Variants in H2AZ2 observed in about 807,000 individuals in gnomAD.
H2AZ2 encodes H2A.Z variant histone 2, also known as histone H2A.V.
A neutral mutation model predicts 15.5 loss-of-function variants in H2AZ2; 5 were observed. That is an observed-to-expected ratio of 0.32 (90% CI 0.17 to 0.68). H2AZ2 has a LOEUF of 0.68. H2AZ2 is among the 30% of genes least tolerant of loss of function. The probability of loss-of-function intolerance (pLI) is 0.72; values close to 1 mark genes in which losing one functional copy is unlikely to be tolerated. For missense variants in H2AZ2, 42 were observed against 162.5 expected (o/e 0.26, Z 4.03); for synonymous variants, 44 against 57.4 (o/e 0.77, Z 1.05).
At chr7:44,840,869 GC>G (rs747852308) in intron 3 of H2AZ2, 29 bp downstream of exon 3, 1 of 1,455,798 alleles carries the variant, frequency 6.9e-7, no homozygotes, top group African/African-American at 1.4e-5. Context: ...CTTCTGGATG[GC>G]CATATACAAC....
downstream of H2AZ2, chr7:44,829,690 A>G (rs1339684436): frequency 1.3e-5 from 2 of 153,500 alleles, no homozygotes; most frequent in African/African-American, 2.4e-5. Context: ...ATGATCTTCA[A>G]CTGTTAAAAC....
chr7:44,838,794 A>G (rs1793195390), intron 3 of H2AZ2, among the ~76,000 whole-genome samples: 1 of 152,250 alleles, frequency 6.6e-6, no homozygotes, highest in South Asian at 2.1e-4. Flanking sequence ...AATGAAATAA[A>G]TGACAGCAAT....
At chr7:44,836,344 G>T (rs1793122305) in intron 3 of H2AZ2, among the ~76,000 whole-genome samples, 1 of 151,974 alleles carries the variant, frequency 6.6e-6, no homozygotes, top group South Asian at 2.1e-4. Flanking sequence ...AATGCTTTTA[G>T]AAGTTTTCAA....
At chr7:44,836,327 A>G (rs1212675818) in intron 3 of H2AZ2, among the ~76,000 whole-genome samples, 1 of 152,036 alleles carries the variant, frequency 6.6e-6, no homozygotes, top group African/African-American at 2.4e-5. Flanking sequence ...GCTGAAATGT[A>G]TTTCTTAATG....
chr7:44,828,299 C>G (rs1280036650), downstream of H2AZ2: 2 of 152,146 alleles, frequency 1.3e-5, no homozygotes, highest in Non-Finnish European at 2.9e-5. Context: ...CTGGGAGTCC[C>G]AGTTTTTATG....
rs1428597280 is a variant in H2AZ2 at position 44,832,937 on chromosome 7, A to C, written c.*1564T>G. Among the ~76,000 whole-genome samples, 1 of 152,206 alleles carries C rather than the reference A, an allele frequency of 6.6e-6. No homozygotes were observed. Among genetic ancestry groups the C allele is most frequent in the Non-Finnish European group, 1.5e-5 (1 of 68,032 alleles). On this transcript the variant is annotated 3_prime_UTR_variant, in exon 5 of 5. Coordinates refer to ENST00000308153, the MANE Select transcript of H2AZ2 (RefSeq NM_012412.5). ...TGCACTTCAACCTGGGCAAAAGAGC[A>C]AGAGCCTGTCTCAAAACAAACAAAA...
Position 44,834,569 on chromosome 7 carries a change from T to C in H2AZ2, c.326-7A>G. The C allele has an allele frequency of 6.3e-7, 1 of 1,591,746 alleles. No homozygotes were observed. Among genetic ancestry groups the C allele is most frequent in the Non-Finnish European group, 8.6e-7 (1 of 1,165,146 alleles). On this transcript the variant is annotated splice_polypyrimidine_tract_variant and splice_region_variant and intron_variant, in intron 4 of 4. Transcript: ENST00000308153. The stretch of plus-strand genomic sequence containing the variant: ...TGGATGTGAGGGATCACACCTAGAA[T>C]GAAATTTAAAAAAGTTATTAAAAAC...
At chr7:44,841,595 C>T (rs1040349895) in intron 2 of H2AZ2, among the ~76,000 whole-genome samples, 3 of 152,110 alleles carry the variant, frequency 2.0e-5, no homozygotes. Flanking sequence ...CTGCAACCTC[C>T]GCCTCCCGGG....
intron 3 of H2AZ2, among the ~76,000 whole-genome samples, chr7:44,840,696 G>A (rs557075873): frequency 1.3e-5 from 2 of 152,284 alleles, no homozygotes; most frequent in Non-Finnish European, 2.9e-5. Context: ...GCTTGAATCC[G>A]GGAGGCAGAG....
intron 3 of H2AZ2, among the ~76,000 whole-genome samples, chr7:44,836,911 G>A (rs1164659761): frequency 9.2e-5 from 14 of 151,834 alleles, no homozygotes; most frequent in Admixed American, 9.2e-4. Flanking sequence ...CAGGAGAATG[G>A]CGTGAACCCA....
At chr7:44,841,078 G>T in intron 2 of H2AZ2, 66 bp from the exon 3 acceptor site, 1 of 1,181,834 alleles carries the variant, frequency 8.5e-7, no homozygotes, top group Non-Finnish European at 1.2e-6. Flanking sequence ...TGTAATCAAA[G>T]GCTGAACAAT....
Position 44,848,067 on chromosome 7 carries a change from C to A in H2AZ2, c.-96G>T, listed in dbSNP as rs1035191306. ...CTCTCGCAGCACCGACCGCCGCCGC[C>A]GGAGCCGGACAATACCCCGTGCCCG... On this transcript the variant is annotated 5_prime_UTR_variant, in exon 1 of 5. Coordinates refer to ENST00000308153, the MANE Select transcript of H2AZ2 (RefSeq NM_012412.5). The A allele has an allele frequency of 2.7e-6, 2 of 733,190 alleles. No homozygotes were observed. The highest frequency in any genetic ancestry group is 3.7e-6 in the Non-Finnish European group (2 of 537,138). 45.4% of individuals were successfully genotyped at this position (733,190 alleles called of 1,614,324 possible). A position where few individuals can be genotyped will look rare whatever the true frequency, so the allele number is the denominator to read the frequency against.
intron 1 of H2AZ2, among the ~76,000 whole-genome samples, chr7:44,847,002 A>G (rs1047931270): frequency 1.3e-5 from 2 of 152,282 alleles, no homozygotes; most frequent in Non-Finnish European, 2.9e-5. Flanking sequence ...ATTCAATACC[A>G]TATCTGTCAC....
At chr7:44,844,057 AC>A (rs1432643028) in intron 1 of H2AZ2, among the ~76,000 whole-genome samples, 1 of 149,036 alleles carries the variant, frequency 6.7e-6, no homozygotes. Context: ...AAAAAAAAAA[AC>A]CTCAAAAAAT....
At chr7:44,836,650 T>C (rs1263701105) in intron 3 of H2AZ2, among the ~76,000 whole-genome samples, 2 of 151,446 alleles carry the variant, frequency 1.3e-5, no homozygotes, top group African/African-American at 4.8e-5. Flanking sequence ...CCCGAGTAGC[T>C]GGGACTACAG....
intron 1 of H2AZ2, among the ~76,000 whole-genome samples, chr7:44,844,198 T>C (rs985857817): frequency 2.0e-5 from 3 of 152,070 alleles, no homozygotes; most frequent in Admixed American, 2.0e-4. Context: ...AGCCAAAAGG[T>C]AGAAACAATC....
intron 1 of H2AZ2, among the ~76,000 whole-genome samples, chr7:44,844,335 A>C (rs945140024): frequency 2.0e-5 from 3 of 152,202 alleles, no homozygotes; most frequent in African/African-American, 7.2e-5. Flanking sequence ...TAAGGAAAAT[A>C]AGCCAGTTAC....
At chr7:44,848,120 T>C, upstream of H2AZ2, 1 of 401,668 alleles carries the variant, frequency 2.5e-6, no homozygotes, top group Non-Finnish European at 4.1e-6. Context: ...CAATGCCCGC[T>C]TGTCTTGCTG....
chr7:44,837,333 G>A (rs1041883134), intron 3 of H2AZ2, among the ~76,000 whole-genome samples: 2 of 144,826 alleles, frequency 1.4e-5, no homozygotes, highest in African/African-American at 5.1e-5. Context: ...TGAGGCAGGA[G>A]AATCGGTTGA....
Sources: allele counts gnomAD v4.1 joint callset (sites outside exome capture counted in the v4.1 genomes callset), GRCh38; gene constraint gnomAD v4.1.1; transcripts MANE v1.5; gene names NCBI Gene and HGNC (gene_info 2026-07-23, HGNC 2026-07-21).